Variants in GGPS1 observed in about 807,000 individuals in gnomAD.
GGPS1 encodes geranylgeranyl pyrophosphate synthase.
A neutral mutation model predicts 28.1 loss-of-function variants in GGPS1; 15 were observed. That is an observed-to-expected ratio of 0.53 (90% CI 0.36 to 0.82). The LOEUF (loss-of-function observed/expected upper bound fraction) is 0.82, where lower values mean the gene tolerates loss of function less well. Among genes scored for constraint, GGPS1 ranks in the 40% least tolerant of loss-of-function variants. The probability of loss-of-function intolerance (pLI) is 0.01; values close to 1 mark genes in which losing one functional copy is unlikely to be tolerated. For missense variants in GGPS1, 284 were observed against 348.3 expected, an observed-to-expected ratio of 0.82 and a Z score of 1.47; for synonymous variants, 138 against 122.4, an observed-to-expected ratio of 1.13 and a Z score of -0.84.
chr1:235,341,871 CAAGATATTATTT>C, intron 3 of GGPS1, 93 bp downstream of exon 3: 1 of 917,166 alleles, frequency 1.1e-6, no homozygotes, highest in Non-Finnish European at 1.7e-6. Flanking sequence ...AGTCCTCATG[CAAGATATTATTT>C]TATATTGAGG....
chr1:235,331,950 A>G (rs1675728982), intron 1 of GGPS1, among the ~76,000 whole-genome samples: 1 of 152,258 alleles, frequency 6.6e-6, no homozygotes, highest in Admixed American at 6.5e-5. Flanking sequence ...CAAAACAGGA[A>G]CATTAAATAC....
chr1:235,341,395 C>T (rs1004216471), intron 2 of GGPS1, among the ~76,000 whole-genome samples: 2 of 152,146 alleles, frequency 1.3e-5, no homozygotes, highest in Admixed American at 6.6e-5. Flanking sequence ...GTCCTAAAAG[C>T]CCATCCTACT....
chr1:235,332,310 T>A (rs913292458), intron 1 of GGPS1, among the ~76,000 whole-genome samples: 2 of 152,226 alleles, frequency 1.3e-5, no homozygotes, highest in Non-Finnish European at 2.9e-5. Context: ...CATTTATAAT[T>A]GAGAAGATGT....
At chr1:235,337,026 A>T (rs1221623402) in intron 2 of GGPS1, 1 of 187,926 alleles carries the variant, frequency 5.3e-6, no homozygotes, top group Non-Finnish European at 1.3e-5. Context: ...AGAAAAAGCC[A>T]AGAGACTGCT....
At position 235,342,245 on chromosome 1, in the gene GGPS1, C is replaced by T; in HGVS notation, c.376C>T (p.Gln126Ter). Residue 126 changes from glutamine to a stop codon, truncating the protein, a stop_gained, in exon 4 of 4, where the codon CAA (glutamine) becomes TAA (stop). Coordinates refer to ENST00000282841, the MANE Select transcript of GGPS1 (RefSeq NM_004837.4). LOFTEE classifies it high-confidence loss of function. ...CCAGCTTTTGGAACTCCATCAGGGACAAGGCCTAGATATTTACTGGAGGGA... is the reference window on the plus strand; with the variant it reads ...CCAGCTTTTGGAACTCCATCAGGGATAAGGCCTAGATATTTACTGGAGGGA... ...TRQLLELHQGQGLDIYWRDNY... is the reference protein window; with the variant it reads ...TRQLLELHQG 1 of 1,614,042 alleles carries T rather than the reference C, an allele frequency of 6.2e-7. No individual in the cohort carries two copies. The highest frequency in any genetic ancestry group is 8.5e-7 in the Non-Finnish European group (1 of 1,179,934).
rs5781828 is a variant in GGPS1, at chr1:235,333,067, CAAAAA to C, written c.-23-2155_-23-2151del. On this transcript the variant is annotated intron_variant, in intron 1 of 3. Transcript: ENST00000282841. ...TGGGCGACAGAGTGAGACTCCGTCT[CAAAAA>C]AAAAAAAAAAAAAAAAAAAGGAACA... is the stretch of plus-strand genomic sequence containing the variant. 1.2e-4 allele frequency among the ~76,000 whole-genome samples: 5 copies of C among 43,314 alleles called. No individual in the cohort carries two copies. The South Asian group carries it at 2.7e-3, about 24-fold the overall frequency. 28.4% of individuals were successfully genotyped at this position (43,314 alleles called of 152,430 possible). A position where few individuals can be genotyped will look rare whatever the true frequency, so the allele number is the denominator to read the frequency against.
intron 1 of GGPS1, among the ~76,000 whole-genome samples, chr1:235,332,336 T>G (rs897060879): frequency 2.0e-5 from 3 of 152,248 alleles, no homozygotes; most frequent in African/African-American, 7.2e-5. Context: ...TTGTCTTTTA[T>G]GTCTGACTTG....
chr1:235,332,134 A>G (rs993919312), intron 1 of GGPS1, among the ~76,000 whole-genome samples: 3 of 152,200 alleles, frequency 2.0e-5, no homozygotes, highest in African/African-American at 7.2e-5. Context: ...CATAGATTGC[A>G]TTGTAGTGAA....
At position 235,343,226 on chromosome 1, in the gene GGPS1, CCCCCGGAAACA is replaced by C. The variant is rs1676104706; in HGVS notation, c.*458_*468del. 1 of 167,660 alleles carries C rather than the reference CCCCCGGAAACA, an allele frequency of 6.0e-6. No individual in the cohort carries two copies. 10.4% of individuals were successfully genotyped at this position (167,660 alleles called of 1,614,324 possible). On this transcript the variant is annotated 3_prime_UTR_variant, in exon 4 of 4. Coordinates refer to ENST00000282841, the MANE Select transcript of GGPS1 (RefSeq NM_004837.4). The stretch of plus-strand genomic sequence containing the variant: ...TGCTGTAAGGAATATCTCACTTTTC[CCCCCGGAAACA>C]CCCTCACTGAAGTCTTCTATGAAAA...
rs150561720 is a variant in GGPS1, at chr1:235,337,976, T to C, written c.70+2642T>C. On this transcript the variant is annotated intron_variant, in intron 2 of 3. Coordinates refer to ENST00000282841, the MANE Select transcript of GGPS1 (RefSeq NM_004837.4). ...GATTAGGGAGAGATGAAGCTGGCAG[T>C]GGAGGAAGAAGGGCTCCAAAAAGAG... Among the ~76,000 whole-genome samples the C allele has an allele frequency of 2.6e-3, 394 of 152,112 alleles. 2 individuals carry two copies. The Middle Eastern group carries it at 0.027, about 11-fold the overall frequency.
chr1:235,338,020 C>G lies in GGPS1; in HGVS notation c.70+2686C>G, dbSNP rs765084292. Among the ~76,000 whole-genome samples, 75 of 152,058 alleles carry G rather than the reference C, an allele frequency of 4.9e-4. No individual in the cohort carries two copies. The Middle Eastern group carries it at 0.014, about 28-fold the overall frequency. ...AAAAGAGAGACAATAATGTTTAGATCTTAAAGAGGAAGCAGTAATCTTTTA... is the reference window on the plus strand; with the variant it reads ...AAAAGAGAGACAATAATGTTTAGATGTTAAAGAGGAAGCAGTAATCTTTTA... On this transcript the variant is annotated intron_variant, in intron 2 of 3. Coordinates refer to ENST00000282841, the MANE Select transcript of GGPS1 (RefSeq NM_004837.4).
intron 2 of GGPS1, among the ~76,000 whole-genome samples, chr1:235,338,302 A>C (rs1675925677): frequency 6.6e-6 from 1 of 151,692 alleles, no homozygotes. Context: ...TGATTACCGG[A>C]GCCTGGGAGG....
At position 235,343,892 on chromosome 1, in the gene GGPS1, A is replaced by G. The variant is rs945208916; in HGVS notation, c.*1120A>G. 6.0e-6 allele frequency: 1 copy of G among 166,946 alleles called. No individual in the cohort carries two copies. The highest frequency in any genetic ancestry group is 1.5e-5 in the Non-Finnish European group (1 of 68,108). 10.3% of individuals were successfully genotyped at this position (166,946 alleles called of 1,614,324 possible). ...TCTTACCTTAAGTACAAAAGCATGGAAAAATGCGCTTTTCCTTCCCGCCCA... is the reference window on the plus strand; with the variant it reads ...TCTTACCTTAAGTACAAAAGCATGGGAAAATGCGCTTTTCCTTCCCGCCCA... On this transcript the variant is annotated 3_prime_UTR_variant, in exon 4 of 4. Transcript: ENST00000282841.
intron 2 of GGPS1, among the ~76,000 whole-genome samples, chr1:235,337,825 A>AC (rs1044650500): frequency 3.7e-4 from 56 of 152,084 alleles, no homozygotes; most frequent in African/African-American, 9.9e-4. Flanking sequence ...TCAAAAAAAA[A>AC]AAAGGATTTT....
At chr1:235,335,965 A>T (rs1384209366) in intron 2 of GGPS1, among the ~76,000 whole-genome samples, 1 of 152,256 alleles carries the variant, frequency 6.6e-6, no homozygotes, top group African/African-American at 2.4e-5. Context: ...TTGAGAGCCA[A>T]ATAATAATGT....
At chr1:235,330,021 G>A (rs1675652352) in intron 1 of GGPS1, 1 of 152,210 alleles carries the variant, frequency 6.6e-6, no homozygotes, top group Non-Finnish European at 1.5e-5. Context: ...AAGGAAACTA[G>A]TAGAGTTCAT....
chr1:235,342,670 T>G lies in GGPS1; in HGVS notation c.801T>G (p.Leu267=). The change falls in exon 4 of 4, where the codon CTT becomes CTG. Residue 267 remains leucine (L), a synonymous_variant. Transcript: ENST00000282841. ...ACACTCGTAATACCCTTAAAGAGCT[T>G]GAAGCTAAAGCCTATAAACAGATTG... ...FEYTRNTLKE[L]EAKAYKQIDA... is the part of the protein sequence containing the mutation. The G allele has an allele frequency of 1.2e-6, 2 of 1,611,132 alleles. No homozygotes were observed. Among genetic ancestry groups the G allele is most frequent in the Non-Finnish European group, 1.7e-6 (2 of 1,177,236 alleles).
chr1:235,340,552 C>T (rs553818144), intron 2 of GGPS1, among the ~76,000 whole-genome samples: 63 of 150,284 alleles, frequency 4.2e-4, no homozygotes, highest in Non-Finnish European at 7.1e-4. Context: ...CTGGCTAACA[C>T]GGTGAAACCC....
At chr1:235,328,821 G>C (rs1041048098) in intron 1 of GGPS1, 43 bp downstream of exon 1, 1 of 152,618 alleles carries the variant, frequency 6.6e-6, no homozygotes, top group African/African-American at 2.4e-5. Context: ...CGGATGGGAA[G>C]AAGGGCGGGG....
Sources: gnomAD v4.1 joint callset for allele counts (sites outside exome capture counted in the v4.1 genomes callset) on GRCh38, gnomAD v4.1.1 for gene constraint, MANE v1.5 for transcripts, NCBI Gene and HGNC (gene_info 2026-07-23, HGNC 2026-07-21) for gene names.